PHF20L1: variants seen among roughly 807,000 people sequenced by gnomAD.
The protein encoded by PHF20L1 is PHD finger protein 20-like protein 1.
In PHF20L1, 44 loss-of-function variants were observed where a neutral mutation model predicts 125.5. The observed-to-expected ratio is 0.35, with a 90% CI of 0.28 to 0.45. PHF20L1 has a LOEUF of 0.45. Ranked by LOEUF, PHF20L1 falls within the 20% of genes least tolerant of loss-of-function variation. The pLI, the probability that PHF20L1 is intolerant of heterozygous loss-of-function variation, is 1.00. For missense variants in PHF20L1, 1,012 were observed against 1,217.2 expected (o/e 0.83, Z 2.51); for synonymous variants, 380 against 403.1 (o/e 0.94, Z 0.69).
intron 14 of PHF20L1, chr8:132,826,854 C>A (rs1263209171): frequency 6.6e-6 from 1 of 151,784 alleles, no homozygotes; most frequent in Non-Finnish European, 1.5e-5. Flanking sequence ...CCATTTTTTT[C>A]ATATTTATTA....
At chr8:132,815,179 C>CA (rs894113706) in intron 10 of PHF20L1, 2,616 of 185,034 alleles carry the variant, frequency 0.014, no homozygotes, top group Middle Eastern at 0.033. Flanking sequence ...TGATTCATTA[C>CA]AAAAAAAAAA....
chr8:132,797,776 C>T (rs1832582426), intron 4 of PHF20L1, among the ~76,000 whole-genome samples: 3 of 151,940 alleles, frequency 2.0e-5, no homozygotes, highest in East Asian at 1.9e-4. Context: ...AAAATCTTTG[C>T]ACATATATAT....
At chr8:132,845,638 G>A (rs1268973107) in intron 20 of PHF20L1, 143 bp from the exon 21 acceptor site, 5 of 619,974 alleles carry the variant, frequency 8.1e-6, no homozygotes, top group Admixed American at 2.8e-5. Context: ...CTAACCTCTC[G>A]GAAATGTCTT....
Position 132,825,302 on chromosome 8 carries a change from A to G in PHF20L1, c.1675A>G (p.Arg559Gly), listed in dbSNP as rs2131784354. The G allele has an allele frequency of 1.3e-6, 2 of 1,537,542 alleles. No homozygotes were observed. Among genetic ancestry groups the G allele is most frequent in the Admixed American group, 1.7e-5 (1 of 58,070 alleles). Residue 559 changes from arginine (R) to glycine (G), a missense_variant, in exon 14 of 21, where the codon AGA (arginine) becomes GGA (glycine). Transcript: ENST00000395386. ...AAAAGATAAGGAAAGAAGAGAGAAG[A>G]GAGACAAAGATCACTACAGACCAAA... ...KEKDKERREK[R>G]DKDHYRPKQK...
chr8:132,804,094 A>T (rs1182344922), intron 7 of PHF20L1, 62 bp downstream of exon 7: 4 of 1,098,032 alleles, frequency 3.6e-6, no homozygotes, highest in Non-Finnish European at 5.5e-6. Context: ...AGTAAAGTCA[A>T]ATCCCTTGGC....
intron 8 of PHF20L1, chr8:132,807,619 C>G: frequency 1.7e-5 from 7 of 413,584 alleles, no homozygotes; most frequent in South Asian, 1.1e-4. Context: ...TTTGGAATAC[C>G]TGGATGAAAA....
In PHF20L1 at chr8:132,814,681, C is replaced by T. The variant is rs780376830; in HGVS notation, c.975C>T (p.Asp325=). 3.3e-5 allele frequency: 53 copies of T among 1,609,442 alleles called. No individual in the cohort carries two copies. Among genetic ancestry groups the T allele is most frequent in the Non-Finnish European group, 4.3e-5 (51 of 1,177,164 alleles). ...AAAGTCAGAAAAAAAATGAAGCTGA[C>T]ATTAGCAGTTCTGCCAACACTCAGA... is the stretch of plus-strand genomic sequence containing the variant. ...KPQSQKKNEA[D]ISSSANTQKP... The change falls in exon 10 of 21, where the codon GAC becomes GAT. Residue 325 remains aspartate (D), a synonymous_variant. Transcript: ENST00000395386.
At position 132,816,874 on chromosome 8, in the gene PHF20L1, A is replaced by G; in HGVS notation, c.1184-14A>G. The G allele has an allele frequency of 2.5e-6, 4 of 1,587,576 alleles. No homozygotes were observed. The highest frequency in any genetic ancestry group is 3.5e-6 in the Non-Finnish European group (4 of 1,157,506). ...TATGTATCTGCTTCGTGAACATTGA[A>G]GATCTTTTTCTAGGTCCTCCACAGC... is the stretch of plus-strand genomic sequence containing the variant. On this transcript the variant is annotated splice_polypyrimidine_tract_variant and intron_variant, in intron 10 of 20. Coordinates refer to ENST00000395386, the MANE Select transcript of PHF20L1 (RefSeq NM_016018.5).
At chr8:132,822,407 T>C (rs1408937467) in intron 12 of PHF20L1, among the ~76,000 whole-genome samples, 2 of 151,936 alleles carry the variant, frequency 1.3e-5, no homozygotes, top group Non-Finnish European at 2.9e-5. Context: ...ACATCATTGT[T>C]CCACCTTTTC....
In PHF20L1 at chr8:132,831,415, A is replaced by G. The variant is rs149756668; in HGVS notation, c.1745-820A>G. Among the ~76,000 whole-genome samples, 13 of 152,054 alleles carry G rather than the reference A, an allele frequency of 8.5e-5. No individual in the cohort carries two copies. The East Asian group carries it at 2.1e-3, about 25-fold the overall frequency. ...CCCTCAACTCTCCAGTAAGCTGCAT[A>G]TGGCCTCTCCCCTTGCACACATCTG... On this transcript the variant is annotated intron_variant, in intron 14 of 20. Transcript: ENST00000395386.
chr8:132,806,460 A>G (rs1833716570), intron 8 of PHF20L1: 1 of 152,060 alleles, frequency 6.6e-6, no homozygotes, highest in Non-Finnish European at 1.5e-5. Flanking sequence ...TCAAATGAAT[A>G]AGTTACAGTT....
intron 15 of PHF20L1, among the ~76,000 whole-genome samples, chr8:132,834,906 G>A (rs1032828948): frequency 1.2e-4 from 18 of 151,594 alleles, no homozygotes; most frequent in Non-Finnish European, 2.6e-4. Flanking sequence ...TGACTTCAAA[G>A]AGAAGAAAAC....
At chr8:132,814,593 G>T in intron 9 of PHF20L1, 44 bp from the exon 10 acceptor site, 3 of 1,386,670 alleles carry the variant, frequency 2.2e-6, no homozygotes, top group Non-Finnish European at 2.9e-6. Flanking sequence ...GAACAAAAAT[G>T]AAGAAGCCAA....
At position 132,803,811 on chromosome 8, in the gene PHF20L1, C is replaced by G; in HGVS notation, c.508-8C>G. 1.3e-6 allele frequency: 2 copies of G among 1,537,044 alleles called. No individual in the cohort carries two copies. Among genetic ancestry groups the G allele is most frequent in the Non-Finnish European group, 1.8e-6 (2 of 1,120,308 alleles). Reference sequence around the variant, plus strand: ...ATACTTCACATGTTTTGTGTTTTTCCTTTGGAGGATTGGATAGCTTTAGTC... The same window carrying G: ...ATACTTCACATGTTTTGTGTTTTTCGTTTGGAGGATTGGATAGCTTTAGTC... On this transcript the variant is annotated splice_region_variant and splice_polypyrimidine_tract_variant and intron_variant, in intron 6 of 20. Transcript: ENST00000395386.
intron 2 of PHF20L1, among the ~76,000 whole-genome samples, chr8:132,781,294 G>C (rs917452070): frequency 6.6e-5 from 10 of 152,180 alleles, no homozygotes; most frequent in Admixed American, 4.6e-4. Flanking sequence ...CTCAGGAAAA[G>C]TATGTTATTA....
At chr8:132,812,086 G>T (rs1320633776) in intron 9 of PHF20L1, 2 of 980,174 alleles carry the variant, frequency 2.0e-6, no homozygotes, top group Non-Finnish European at 2.4e-6. Context: ...CTTTTAAATT[G>T]ATTAATATGT....
intron 8 of PHF20L1, 32 bp downstream of exon 8, chr8:132,804,772 G>T: frequency 1.3e-6 from 2 of 1,546,054 alleles, no homozygotes; most frequent in Non-Finnish European, 8.8e-7. Flanking sequence ...TTTGAGGGGG[G>T]GAAATGGAAG....
chr8:132,808,081 A>G (rs76373962), intron 8 of PHF20L1: 3,018 of 154,572 alleles, frequency 0.02, 98 homozygotes, highest in African/African-American at 0.068. Flanking sequence ...TCAAGTACCT[A>G]TTTTGTTATT....
In PHF20L1 at chr8:132,846,012, G is replaced by A. The variant is rs1838398529; in HGVS notation, c.*89G>A. The A allele has an allele frequency of 1.8e-5, 17 of 969,568 alleles. No individual in the cohort carries two copies. In the South Asian group the frequency reaches 2.7e-4, roughly 15 times the overall value. 60.1% of individuals were successfully genotyped at this position (969,568 alleles called of 1,614,324 possible). On this transcript the variant is annotated 3_prime_UTR_variant, in exon 21 of 21. Coordinates refer to ENST00000395386, the MANE Select transcript of PHF20L1 (RefSeq NM_016018.5). ...TGATGGCTAAGTGGATAATTTAAAA[G>A]CTTAGTAATGTCTGGTCATTCACTG... is the stretch of plus-strand genomic sequence containing the variant.
Sources: gnomAD v4.1 joint callset for allele counts (sites outside exome capture counted in the v4.1 genomes callset) on GRCh38, gnomAD v4.1.1 for gene constraint, MANE v1.5 for transcripts, NCBI Gene and HGNC (gene_info 2026-07-23, HGNC 2026-07-21) for gene names.